TOP3A: variants seen among roughly 807,000 people sequenced by gnomAD.
The protein encoded by TOP3A is DNA topoisomerase 3-alpha.
TOP3A carries 64 observed loss-of-function variants against 111.3 expected under a neutral mutation model. That is an observed-to-expected ratio of 0.57 (90% CI 0.47 to 0.71). The LOEUF (loss-of-function observed/expected upper bound fraction) is 0.71, where lower values mean the gene tolerates loss of function less well. Ranked by LOEUF, TOP3A falls within the 30% of genes least tolerant of loss-of-function variation. TOP3A has a pLI of 0.00. For synonymous variants in TOP3A, 484 were observed against 485.1 expected (o/e 1.00, Z 0.03); for missense variants, 1,104 against 1,285.0 (o/e 0.86, Z 2.15).
intron 13 of TOP3A, among the ~76,000 whole-genome samples, chr17:18,288,179 GTCTC>G (rs1980244037): frequency 9.2e-6 from 1 of 109,136 alleles, no homozygotes; most frequent in South Asian, 2.6e-4. Flanking sequence ...TTTAGATGGA[GTCTC>G]TCTCTGTCAC....
intron 11 of TOP3A, among the ~76,000 whole-genome samples, chr17:18,292,437 G>A (rs1980534614): frequency 6.6e-6 from 1 of 152,222 alleles, no homozygotes; most frequent in Admixed American, 6.5e-5. Flanking sequence ...GATGGAGAGT[G>A]GGATGTGGAG....
At chr17:18,301,297 A>G (rs985749159) in intron 8 of TOP3A, among the ~76,000 whole-genome samples, 1 of 152,200 alleles carries the variant, frequency 6.6e-6, no homozygotes, top group Non-Finnish European at 1.5e-5. Flanking sequence ...CAACTGGCCT[A>G]TGACCCGGGC....
chr17:18,275,009 G>T (rs1412382457), intron 18 of TOP3A, 29 bp from the exon 19 acceptor site: 1 of 1,603,546 alleles, frequency 6.2e-7, no homozygotes, highest in African/African-American at 1.3e-5. Flanking sequence ...GAGGGGTGAG[G>T]TTAGAACTGA....
At chr17:18,302,176 T>C in intron 7 of TOP3A, 88 bp downstream of exon 7, 1 of 1,475,156 alleles carries the variant, frequency 6.8e-7, no homozygotes, top group Non-Finnish European at 9.2e-7. Flanking sequence ...ATAAATCACA[T>C]CTTTATTAGT....
At chr17:18,284,075 T>C (rs773149260) in intron 15 of TOP3A, among the ~76,000 whole-genome samples, 12 of 152,108 alleles carry the variant, frequency 7.9e-5, no homozygotes, top group Non-Finnish European at 1.6e-4. Flanking sequence ...TCTCGGCTCA[T>C]TGCAACCTCC....
intron 1 of TOP3A, among the ~76,000 whole-genome samples, chr17:18,314,127 A>G (rs990136501): frequency 3.3e-5 from 5 of 152,176 alleles, no homozygotes; most frequent in African/African-American, 1.2e-4. Context: ...GGAAAGTCAC[A>G]AGGGCTGTAG....
At chr17:18,292,035 G>A (rs542611365) in intron 11 of TOP3A, among the ~76,000 whole-genome samples, 3 of 152,164 alleles carry the variant, frequency 2.0e-5, no homozygotes, top group Non-Finnish European at 4.4e-5. Flanking sequence ...CAGAAAGAAT[G>A]TATTTTATTA....
intron 3 of TOP3A, among the ~76,000 whole-genome samples, chr17:18,307,948 C>T (rs1358836460): frequency 1.4e-5 from 2 of 145,498 alleles, no homozygotes; most frequent in Admixed American, 7.0e-5. Flanking sequence ...TGGTGGCTCA[C>T]GGTCTGTAAT....
At chr17:18,278,468 C>A (rs1475995083) in intron 17 of TOP3A, 111 bp from the exon 18 acceptor site, 5 of 1,012,062 alleles carry the variant, frequency 4.9e-6, no homozygotes, top group South Asian at 2.2e-5. Context: ...CCTTATGCAT[C>A]AGGAAGCCCA....
chr17:18,303,626 A>C, intron 5 of TOP3A, among the ~76,000 whole-genome samples: 1 of 152,196 alleles, frequency 6.6e-6, no homozygotes, highest in East Asian at 1.9e-4. Context: ...AATCTAGCCT[A>C]CGTGCACATC....
At position 18,314,626 on chromosome 17, in the gene TOP3A, G is replaced by A; in HGVS notation, c.153C>T (p.Asp51=). ...GCCTCATGCGACCGTTTGACAGCAG[G>A]TCGGCGATCCCCTTGGCCGCGTCGT... is the stretch of plus-strand genomic sequence containing the variant. ...EKNDAAKGIA[D]LLSNGRMRRR... The change falls in exon 1 of 19, where the codon GAC becomes GAT. Residue 51 remains aspartate, a synonymous_variant. Coordinates refer to ENST00000321105, the MANE Select transcript of TOP3A (RefSeq NM_004618.5). 1.2e-6 allele frequency: 2 copies of A among 1,611,856 alleles called. No homozygotes were observed. The highest frequency in any genetic ancestry group is 1.7e-6 in the Non-Finnish European group (2 of 1,178,870).
At chr17:18,280,763 C>T (rs957150432) in intron 16 of TOP3A, 105 bp from the exon 17 acceptor site, 14 of 1,335,446 alleles carry the variant, frequency 1.0e-5, no homozygotes, top group Admixed American at 8.1e-5. Flanking sequence ...GACAACATTC[C>T]CTTTTCTGGA....
rs1286204454 is a variant in TOP3A, at chr17:18,273,887, G to A, written c.*915C>T. On this transcript the variant is annotated 3_prime_UTR_variant, in exon 19 of 19. Transcript: ENST00000321105. ...AATCCTCCAGCCTTGGCCTCCCTAA[G>A]TGCTGGATTACAGGTGTGAGCCTCC... The A allele has an allele frequency of 6.6e-6, 1 of 152,176 alleles. No individual in the cohort carries two copies. 9.4% of individuals were successfully genotyped at this position (152,176 alleles called of 1,614,324 possible).
In TOP3A at chr17:18,314,761, G is replaced by T; in HGVS notation, c.18C>A (p.Ala6=). The part of the protein sequence containing the change: MIFPV[A]RYALRWLRRP... ...GTCGCAGCCACCGGAGCGCGTAGCG[G>T]GCGACAGGAAAGATCATCCTCAGAC... The change falls in exon 1 of 19, where the codon GCC becomes GCA. Residue 6 remains alanine, a synonymous_variant. Coordinates refer to ENST00000321105, the MANE Select transcript of TOP3A (RefSeq NM_004618.5). 1 of 1,555,024 alleles carries T rather than the reference G, an allele frequency of 6.4e-7. No homozygotes were observed. Among genetic ancestry groups the T allele is most frequent in the Non-Finnish European group, 8.7e-7 (1 of 1,149,782 alleles).
At chr17:18,288,473 T>C (rs1980264416) in intron 13 of TOP3A, among the ~76,000 whole-genome samples, 1 of 120,314 alleles carries the variant, frequency 8.3e-6, no homozygotes. Flanking sequence ...ATTATTATTA[T>C]TTTTTTGTAA....
Position 18,278,159 on chromosome 17 carries a change from G to C in TOP3A, c.2343C>G (p.Pro781=). ...SLNRMDNSQH[P]QPADSRQTGS... The stretch of plus-strand genomic sequence containing the variant: ...CAGTCTGTCTGCTGTCAGCAGGCTG[G>C]GGGTGCTGGCTGTTGTCCATCCTGT... The change falls in exon 18 of 19, where the codon CCC becomes CCG. Residue 781 remains proline (P), a synonymous_variant. Coordinates refer to ENST00000321105, the MANE Select transcript of TOP3A (RefSeq NM_004618.5). The C allele has an allele frequency of 1.2e-6, 2 of 1,614,162 alleles. No homozygotes were observed. The highest frequency in any genetic ancestry group is 1.7e-6 in the Non-Finnish European group (2 of 1,180,012).
At chr17:18,290,767 G>A in intron 12 of TOP3A, 75 bp downstream of exon 12, 4 of 1,587,302 alleles carry the variant, frequency 2.5e-6, no homozygotes, top group Non-Finnish European at 3.4e-6. Context: ...CAAGGAACAT[G>A]ATCCTGCTCC....
At chr17:18,296,140 A>G (rs73289960) in intron 9 of TOP3A, among the ~76,000 whole-genome samples, 17,127 of 152,224 alleles carry the variant, frequency 0.11, 1,074 homozygotes, top group South Asian at 0.18. Flanking sequence ...CACTTTGGGA[A>G]TACCACCCAA....
intron 9 of TOP3A, among the ~76,000 whole-genome samples, chr17:18,297,702 G>A (rs1420480318): frequency 6.6e-6 from 1 of 152,188 alleles, no homozygotes; most frequent in African/African-American, 2.4e-5. Flanking sequence ...CGGGATTGCA[G>A]ACGGAGTCTC....
Sources: gnomAD v4.1 joint callset for allele counts (sites outside exome capture counted in the v4.1 genomes callset) on GRCh38, gnomAD v4.1.1 for gene constraint, MANE v1.5 for transcripts, NCBI Gene and HGNC (gene_info 2026-07-23, HGNC 2026-07-21) for gene names.